The following NOD1 variants were observed in gnomAD, a reference collection of about 807,000 sequenced individuals.
The protein encoded by NOD1 is nucleotide-binding oligomerization domain-containing protein 1.
In NOD1, 70 loss-of-function variants were observed where a neutral mutation model predicts 81.2. That is an observed-to-expected ratio of 0.86 (90% CI 0.71 to 1.05). NOD1 has a LOEUF of 1.05. Among genes scored for constraint, NOD1 ranks in the 50% least tolerant of loss-of-function variants. NOD1 has a pLI of 0.00. For synonymous variants in NOD1, 508 were observed against 526.9 expected (o/e 0.96, Z 0.49); for missense variants, 1,233 against 1,228.0 (o/e 1.00, Z -0.06).
intron 4 of NOD1, among the ~76,000 whole-genome samples, chr7:30,455,826 T>TCCTGA (rs1786305225): frequency 6.6e-6 from 1 of 152,158 alleles, no homozygotes; most frequent in African/African-American, 2.4e-5. Context: ...GGTCTCAAAC[T>TCCTGA]CCTGACCTTA....
chr7:30,477,864 C>T (rs1788950920), intron 1 of NOD1, among the ~76,000 whole-genome samples: 1 of 139,772 alleles, frequency 7.2e-6, no homozygotes. Flanking sequence ...TCATCAAGGC[C>T]ATGGGTTTAC....
chr7:30,427,342 G>A (rs1783542402), intron 13 of NOD1, among the ~76,000 whole-genome samples: 1 of 152,240 alleles, frequency 6.6e-6, no homozygotes. Flanking sequence ...AGAAAGGAAT[G>A]AGGTAGAAAT....
chr7:30,455,590 CTT>C (rs34626585), intron 4 of NOD1, among the ~76,000 whole-genome samples: 2 of 143,092 alleles, frequency 1.4e-5, no homozygotes, highest in African/African-American at 5.2e-5. Flanking sequence ...TTCTCTACCT[CTT>C]TTTTTTTTTT....
At chr7:30,446,110 G>A in intron 9 of NOD1, 31 bp downstream of exon 9, 2 of 1,544,358 alleles carry the variant, frequency 1.3e-6, no homozygotes, top group Non-Finnish European at 1.8e-6. Context: ...ACAGCAGGTT[G>A]TACCACATAC....
rs569950362 is a variant in NOD1 at position 30,439,314 on chromosome 7, CG to C, written c.2454-1659del. Among the ~76,000 whole-genome samples the C allele has an allele frequency of 1.5e-3, 211 of 140,744 alleles. 6 individuals are homozygous for C. Among genetic ancestry groups the C allele is most frequent in the Middle Eastern group, 7.3e-3 (2 of 274 alleles). The allele number at this position is 140,744 out of a possible 152,430, so 92.3% of individuals were successfully genotyped here. On this transcript the variant is annotated intron_variant, in intron 9 of 13. Coordinates refer to ENST00000222823, the MANE Select transcript of NOD1 (RefSeq NM_006092.4). Reference sequence around the variant, plus strand: ...CTCCCAGCGTGAGCGACGCAGAAGACGGGTGATTTCTGCATTTCCATCTGAG... The same window carrying C: ...CTCCCAGCGTGAGCGACGCAGAAGACGGTGATTTCTGCATTTCCATCTGAG...
chr7:30,452,242 A>AG lies in NOD1; in HGVS notation c.1174dup (p.Leu392ProfsTer18), dbSNP rs780612721. On this transcript the variant is annotated frameshift_variant, in exon 6 of 14. Coordinates refer to ENST00000222823, the MANE Select transcript of NOD1 (RefSeq NM_006092.4). LOFTEE classifies it high-confidence loss of function. ...GCACCGGAAGATGATCCAGCAGAAG[A>AG]GGGGCACAGAGCACAGGCTGCAGAG... 6.2e-7 allele frequency: 1 copy of AG among 1,613,736 alleles called. No homozygotes were observed. Among genetic ancestry groups the AG allele is most frequent in the South Asian group, 1.1e-5 (1 of 91,084 alleles).
chr7:30,468,161 C>T (rs1041959477), intron 1 of NOD1, among the ~76,000 whole-genome samples: 1 of 152,074 alleles, frequency 6.6e-6, no homozygotes, highest in Non-Finnish European at 1.5e-5. Flanking sequence ...TTTTAAAATC[C>T]CAGAGCCACA....
intron 13 of NOD1, among the ~76,000 whole-genome samples, chr7:30,426,054 T>TA (rs1200925214): frequency 6.6e-6 from 1 of 152,126 alleles, no homozygotes; most frequent in Admixed American, 6.5e-5. Flanking sequence ...TTGGCTTGGT[T>TA]ATATGCGCTG....
chr7:30,435,380 T>G (rs1341315678), intron 11 of NOD1, among the ~76,000 whole-genome samples: 1 of 152,100 alleles, frequency 6.6e-6, no homozygotes. Flanking sequence ...AGTTGGCCTC[T>G]GCTAAGCACA....
rs1021108994 is a variant in NOD1 at position 30,425,581 on chromosome 7, G to A, written c.*57C>T. 7.9e-7 allele frequency: 1 copy of A among 1,258,810 alleles called. No individual in the cohort carries two copies. The allele number at this position is 1,258,810 out of a possible 1,614,324, so 78.0% of individuals were successfully genotyped here. The stretch of plus-strand genomic sequence containing the variant: ...ACACTGACACAAAAGACTGCCCAGA[G>A]TGGCATTTGCTGCTGAGGCTCCAGG... On this transcript the variant is annotated 3_prime_UTR_variant, in exon 14 of 14. Coordinates refer to ENST00000222823, the MANE Select transcript of NOD1 (RefSeq NM_006092.4).
At chr7:30,445,206 A>G (rs1219862615) in intron 9 of NOD1, among the ~76,000 whole-genome samples, 1 of 110,572 alleles carries the variant, frequency 9.0e-6, no homozygotes, top group African/African-American at 4.0e-5. Context: ...GCACATGTAT[A>G]CATATGTAAC....
chr7:30,453,720 G>A (rs543337474), intron 5 of NOD1, among the ~76,000 whole-genome samples: 49 of 152,238 alleles, frequency 3.2e-4, no homozygotes, highest in South Asian at 1.7e-3. Context: ...GTAATTTTTA[G>A]TAAGTTTACA....
chr7:30,439,507 A>C (rs61354174), intron 9 of NOD1, among the ~76,000 whole-genome samples: 2,198 of 128,544 alleles, frequency 0.017, 134 homozygotes, highest in African/African-American at 0.074. Flanking sequence ...ACGCACCTGG[A>C]AAATCGGGTC....
chr7:30,458,288 A>G (rs2128074374), intron 3 of NOD1, among the ~76,000 whole-genome samples: 1 of 152,304 alleles, frequency 6.6e-6, no homozygotes, highest in South Asian at 2.1e-4. Context: ...CGTGTGTAAA[A>G]TGATCTTGGA....
chr7:30,438,266 C>A (rs1388532151), intron 9 of NOD1, among the ~76,000 whole-genome samples: 1 of 152,200 alleles, frequency 6.6e-6, no homozygotes, highest in Non-Finnish European at 1.5e-5. Context: ...ACAGCAGATC[C>A]GGAGAGTCTC....
Position 30,478,273 on chromosome 7 carries a change from T to A in NOD1, c.-352+333A>T, listed in dbSNP as rs1439755294. ...ATACGGAGGCCTGGGTCTGACTCCG[T>A]GAGATTCTGATGGAATTGATCTAGG... is the stretch of plus-strand genomic sequence containing the variant. On this transcript the variant is annotated intron_variant, in intron 1 of 13. Transcript: ENST00000222823. The surrounding 1 kb of genome is among the most constrained non-coding windows in gnomAD (Gnocchi z 4.1). Among the ~76,000 whole-genome samples, 1 of 151,994 alleles carries A rather than the reference T, an allele frequency of 6.6e-6. No homozygotes were observed. The highest frequency in any genetic ancestry group is 2.4e-5 in the African/African-American group (1 of 41,378).
At chr7:30,446,629 C>T (rs1005603247) in intron 8 of NOD1, 1 of 395,734 alleles carries the variant, frequency 2.5e-6, no homozygotes, top group African/African-American at 2.1e-5. Context: ...GCGCAGGGCA[C>T]ACCTACAGCA....
At chr7:30,462,785 C>T (rs985018065) in intron 1 of NOD1, among the ~76,000 whole-genome samples, 3 of 151,748 alleles carry the variant, frequency 2.0e-5, no homozygotes, top group East Asian at 1.9e-4. Flanking sequence ...CCTGTCTCCA[C>T]GAAAAATACA....
rs1425476289 is a variant in NOD1 at position 30,437,667 on chromosome 7, A to T, written c.2454-11T>A. ...TGATTGCCCCACATCCTGAGGGAGGAGACAAGATAGTGAATGTTAGCTCCC... is the reference window on the plus strand; with the variant it reads ...TGATTGCCCCACATCCTGAGGGAGGTGACAAGATAGTGAATGTTAGCTCCC... On this transcript the variant is annotated splice_polypyrimidine_tract_variant and intron_variant, in intron 9 of 13. Transcript: ENST00000222823. The T allele has an allele frequency of 1.3e-6, 2 of 1,505,492 alleles. No individual in the cohort carries two copies. The highest frequency in any genetic ancestry group is 2.6e-5 in the Admixed American group (1 of 37,982). The allele number at this position is 1,505,492 out of a possible 1,614,324, so 93.3% of individuals were successfully genotyped here.
Sources: gnomAD v4.1 joint callset for allele counts (sites outside exome capture counted in the v4.1 genomes callset) on GRCh38, gnomAD v4.1.1 for gene constraint, Gnocchi (gnomAD v3.1) non-coding constraint, MANE v1.5 for transcripts, NCBI Gene and HGNC (gene_info 2026-07-23, HGNC 2026-07-21) for gene names.